The following MGAT4C variants were observed in gnomAD, a reference collection of about 807,000 sequenced individuals.
The protein encoded by MGAT4C is alpha-1,3-mannosyl-glycoprotein 4-beta-N-acetylglucosaminyltransferase C.
Under a neutral mutation model 40.1 loss-of-function variants are expected in MGAT4C, and 19 were observed. The ratio of observed to expected loss-of-function variants is 0.47; its 90% CI spans 0.33 to 0.70. The LOEUF is 0.70. Ranked by LOEUF, MGAT4C falls within the 30% of genes least tolerant of loss-of-function variation. MGAT4C has a pLI of 0.02. For missense variants in MGAT4C, 491 were observed against 563.2 expected (o/e 0.87, Z 1.30); for synonymous variants, 181 against 187.1 (o/e 0.97, Z 0.27).
chr12:86,432,962 A>G (rs959605852), intron 3 of MGAT4C, among the ~76,000 whole-genome samples: 2 of 152,170 alleles, frequency 1.3e-5, no homozygotes, highest in Non-Finnish European at 2.9e-5. Context: ...TGGAGTGGGT[A>G]TGAGGCTTGA....
rs1481381499 is a variant in MGAT4C, at chr12:86,256,302, G to A, written c.-120C>T. On this transcript the variant is annotated 5_prime_UTR_variant, in exon 1 of 5. Coordinates refer to ENST00000611864, the MANE Select transcript of MGAT4C (RefSeq NM_001351288.2). ...AGTGCTCTGTGCAGCCTGGAAGCAT[G>A]AGTGATCCTTGGGCCTCACACAAAA... 1 of 152,156 alleles carries A rather than the reference G, an allele frequency of 6.6e-6. No homozygotes were observed. Among genetic ancestry groups the A allele is most frequent in the Admixed American group, 6.6e-5 (1 of 15,266 alleles). 9.4% of individuals were successfully genotyped at this position (152,156 alleles called of 1,614,324 possible).
chr12:86,595,794 T>C (rs545025579), intron 2 of MGAT4C, among the ~76,000 whole-genome samples: 21 of 152,306 alleles, frequency 1.4e-4, no homozygotes, highest in Non-Finnish European at 2.4e-4. Context: ...AATTCTAAAT[T>C]AAGTTTCTGA....
rs1292802833 is a variant in MGAT4C, at chr12:85,961,075, C to G, written c.*18214G>C. On this transcript the variant is annotated 3_prime_UTR_variant, in exon 5 of 5. Coordinates refer to ENST00000611864, the MANE Select transcript of MGAT4C (RefSeq NM_001351288.2). ...ATTCTCCTTGTAATATATGTGCCAC[C>G]AGGGCAAGAATTACAAATTGGGAGC... The G allele has an allele frequency of 3.3e-5, 5 of 151,888 alleles. No homozygotes were observed. The highest frequency in any genetic ancestry group is 7.4e-5 in the Non-Finnish European group (5 of 67,826). 9.4% of individuals were successfully genotyped at this position (151,888 alleles called of 1,614,324 possible).
intron 2 of MGAT4C, among the ~76,000 whole-genome samples, chr12:86,022,718 A>AT (rs1256447676): frequency 6.6e-5 from 10 of 152,290 alleles, no homozygotes; most frequent in Middle Eastern, 3.4e-3. Flanking sequence ...CTAAAATAAA[A>AT]TAAGTCCCTG....
chr12:86,295,580 G>T (rs933247805), intron 4 of MGAT4C, among the ~76,000 whole-genome samples: 5 of 152,128 alleles, frequency 3.3e-5, no homozygotes, highest in Admixed American at 2.6e-4. Context: ...TGTGGAAGGG[G>T]ACCCCAGCAG....
intron 3 of MGAT4C, among the ~76,000 whole-genome samples, chr12:86,426,405 A>G (rs1278154606): frequency 6.6e-6 from 1 of 152,212 alleles, no homozygotes; most frequent in Non-Finnish European, 1.5e-5. Context: ...GTCACAAGAC[A>G]CTATAATAAA....
Position 85,980,383 on chromosome 12 carries a change from A to C in MGAT4C, c.343T>G (p.Tyr115Asp). 1 of 1,608,566 alleles carries C rather than the reference A, an allele frequency of 6.2e-7. No homozygotes were observed. The highest frequency in any genetic ancestry group is 8.5e-7 in the Non-Finnish European group (1 of 1,177,898). The change falls in exon 5 of 5, where the codon TAT (tyrosine) becomes GAT (aspartate). Residue 115 changes from tyrosine (Y) to aspartate (D), a missense_variant. By Grantham distance (160) the Tyr-to-Asp change is radical. Coordinates refer to ENST00000611864, the MANE Select transcript of MGAT4C (RefSeq NM_001351288.2). ...LSSVKRKKGN[Y>D]LLETIKSIFE... ...ATTGACTTAATTGTCTCAAGTAAAT[A>C]GTTTCCTTTTTTTCGCTTTACTGAA... is the stretch of plus-strand genomic sequence containing the variant.
At chr12:86,744,545 T>A (rs1951122423) in intron 1 of MGAT4C, among the ~76,000 whole-genome samples, 1 of 151,474 alleles carries the variant, frequency 6.6e-6, no homozygotes, top group South Asian at 2.1e-4. Context: ...CGTGGATTGG[T>A]TTAATGGATT....
Position 85,956,636 on chromosome 12 carries a change from A to C in MGAT4C, c.*22653T>G, listed in dbSNP as rs764529432. ...GTAGAGAAAACAAAAATGTCATAACAATTTCAGTTTTCAGCCTGTCTTGTA... is the reference window on the plus strand; with the variant it reads ...GTAGAGAAAACAAAAATGTCATAACCATTTCAGTTTTCAGCCTGTCTTGTA... On this transcript the variant is annotated 3_prime_UTR_variant, in exon 5 of 5. Coordinates refer to ENST00000611864, the MANE Select transcript of MGAT4C (RefSeq NM_001351288.2). The C allele has an allele frequency of 6.6e-6, 1 of 152,168 alleles. No individual in the cohort carries two copies. The highest frequency in any genetic ancestry group is 1.5e-5 in the Non-Finnish European group (1 of 68,020). The allele number at this position is 152,168 out of a possible 1,614,324, so 9.4% of individuals were successfully genotyped here.
chr12:86,357,463 G>C (rs1955342052), intron 3 of MGAT4C, among the ~76,000 whole-genome samples: 1 of 152,186 alleles, frequency 6.6e-6, no homozygotes, highest in African/African-American at 2.4e-5. Flanking sequence ...GAACAAAGCT[G>C]GATAGAGAAT....
At position 85,972,054 on chromosome 12, in the gene MGAT4C, C is replaced by G. The variant is rs761922436; in HGVS notation, c.*7235G>C. ...TGGATTTAATGAAAATATCCCCAAC[C>G]ATTACATTACAGACAATTCATATAT... On this transcript the variant is annotated 3_prime_UTR_variant, in exon 5 of 5. Coordinates refer to ENST00000611864, the MANE Select transcript of MGAT4C (RefSeq NM_001351288.2). The G allele has an allele frequency of 1.3e-5, 2 of 151,062 alleles. No individual in the cohort carries two copies. Among genetic ancestry groups the G allele is most frequent in the Non-Finnish European group, 3.0e-5 (2 of 67,302 alleles). The allele number at this position is 151,062 out of a possible 1,614,324, so 9.4% of individuals were successfully genotyped here.
chr12:86,166,956 T>C (rs1886260174), intron 1 of MGAT4C, among the ~76,000 whole-genome samples: 1 of 152,200 alleles, frequency 6.6e-6, no homozygotes. Context: ...TGAAATAATA[T>C]ATTTAACTTC....
At chr12:86,149,575 T>G (rs1273634218) in intron 1 of MGAT4C, among the ~76,000 whole-genome samples, 1 of 152,208 alleles carries the variant, frequency 6.6e-6, no homozygotes, top group Non-Finnish European at 1.5e-5. Flanking sequence ...CTAGTAACAT[T>G]TAGCATGCCA....
At chr12:86,029,766 G>A (rs1342528173) in intron 2 of MGAT4C, among the ~76,000 whole-genome samples, 1 of 151,822 alleles carries the variant, frequency 6.6e-6, no homozygotes, top group African/African-American at 2.4e-5. Flanking sequence ...ATTGCAATTA[G>A]ATCCTGTCTC....
At chr12:86,349,338 A>G (rs905760497) in intron 3 of MGAT4C, among the ~76,000 whole-genome samples, 6 of 152,142 alleles carry the variant, frequency 3.9e-5, no homozygotes, top group Non-Finnish European at 1.5e-5. Context: ...GCTGGGTAAT[A>G]TAAGGCCAGA....
At chr12:86,250,443 A>T (rs759067040) in intron 1 of MGAT4C, among the ~76,000 whole-genome samples, 46 of 152,068 alleles carry the variant, frequency 3.0e-4, no homozygotes, top group Non-Finnish European at 5.3e-4. Flanking sequence ...AGTAAAGAAG[A>T]ACTGAAAAAC....
intron 2 of MGAT4C, chr12:86,015,584 G>T (rs1889010585): frequency 6.6e-6 from 1 of 152,226 alleles, no homozygotes; most frequent in Non-Finnish European, 1.5e-5. Flanking sequence ...CAGTAAGTCT[G>T]GGATTGCTTG....
intron 1 of MGAT4C, among the ~76,000 whole-genome samples, chr12:86,789,906 T>C (rs1023035262): frequency 6.6e-5 from 10 of 152,142 alleles, no homozygotes; most frequent in African/African-American, 2.4e-4. Context: ...GTTAATTCAC[T>C]TGACCTTTTT....
intron 2 of MGAT4C, among the ~76,000 whole-genome samples, chr12:86,465,787 C>CA (rs1332618220): frequency 2.0e-5 from 3 of 152,114 alleles, no homozygotes; most frequent in Admixed American, 2.0e-4. Context: ...GGTGGGAATG[C>CA]AAAATTGTAC....
Sources: gnomAD v4.1 joint callset for allele counts (sites outside exome capture counted in the v4.1 genomes callset) on GRCh38, gnomAD v4.1.1 for gene constraint, MANE v1.5 for transcripts, NCBI Gene and HGNC (gene_info 2026-07-23, HGNC 2026-07-21) for gene names.